Variants in CORO2B observed in about 807,000 individuals in gnomAD.
The protein encoded by CORO2B is coronin 2B, also known as coronin-2B.
Under a neutral mutation model 58.8 loss-of-function variants are expected in CORO2B, and 26 were observed. That is an observed-to-expected ratio of 0.44 (90% CI 0.32 to 0.61). CORO2B has a LOEUF of 0.61. CORO2B is among the 20% of genes least tolerant of loss of function. CORO2B has a pLI of 0.04. For missense variants in CORO2B, 460 were observed against 645.1 expected (o/e 0.71, Z 3.11); for synonymous variants, 242 against 253.8 (o/e 0.95, Z 0.44).
At chr15:68,677,330 C>A (rs1902620767) in intron 2 of CORO2B, among the ~76,000 whole-genome samples, 1 of 152,202 alleles carries the variant, frequency 6.6e-6, no homozygotes, top group South Asian at 2.1e-4. Flanking sequence ...TCAAAGGTCA[C>A]CCCGCACAAA....
chr15:68,567,304 G>C, the CORO2B span, among the ~76,000 whole-genome samples: 1 of 152,268 alleles, frequency 6.6e-6, no homozygotes, highest in South Asian at 2.1e-4. Context: ...AGAGAGTGAA[G>C]TTCAAAGCGG....
intron 2 of CORO2B, among the ~76,000 whole-genome samples, chr15:68,671,202 TACTC>T (rs1902382182): frequency 6.6e-6 from 1 of 152,200 alleles, no homozygotes; most frequent in African/African-American, 2.4e-5. Context: ...ATGGAGCTGA[TACTC>T]ACCACGACAT....
chr15:68,574,474 C>T (rs1899241443), upstream of CORO2B, among the ~76,000 whole-genome samples: 1 of 152,170 alleles, frequency 6.6e-6, no homozygotes, highest in South Asian at 2.1e-4. Context: ...CCAAGCCCTC[C>T]TCACTCTGTA....
intron 1 of CORO2B, among the ~76,000 whole-genome samples, chr15:68,635,728 C>T (rs1364035765): frequency 1.3e-5 from 2 of 152,198 alleles, no homozygotes; most frequent in Non-Finnish European, 2.9e-5. Context: ...TTTCCTGGCT[C>T]TCTGTGCAGA....
chr15:68,647,609 A>C (rs990977385), intron 2 of CORO2B, among the ~76,000 whole-genome samples: 3 of 151,488 alleles, frequency 2.0e-5, no homozygotes, highest in African/African-American at 7.3e-5. Context: ...GAATCGCTTG[A>C]ACCTGGGAGG....
At chr15:68,698,355 C>A (rs1232340697) in intron 3 of CORO2B, among the ~76,000 whole-genome samples, 2 of 152,202 alleles carry the variant, frequency 1.3e-5, no homozygotes, top group Non-Finnish European at 2.9e-5. Context: ...ACTGGCCACC[C>A]AGGTTCCTCC....
In CORO2B at chr15:68,685,889, G is replaced by A. The variant is rs551734280; in HGVS notation, c.217-9251G>A. On this transcript the variant is annotated intron_variant, in intron 2 of 11. Coordinates refer to ENST00000261861, the MANE Select transcript of CORO2B (RefSeq NM_006091.5). ...TAGCCAAGTTTGGCAAGCTCTAGGC[G>A]GAGGAGAGAGACAGGGTGAGAAAAA... Among the ~76,000 whole-genome samples the A allele has an allele frequency of 3.0e-3, 462 of 152,226 alleles. 7 individuals are homozygous for A. Among genetic ancestry groups the A allele is most frequent in the African/African-American group, 0.011 (444 of 41,538 alleles).
the CORO2B span, among the ~76,000 whole-genome samples, chr15:68,537,295 T>C: frequency 1.3e-5 from 2 of 152,012 alleles, no homozygotes; most frequent in Non-Finnish European, 2.9e-5. Flanking sequence ...TGGATTAGAG[T>C]TGGCTGTGAG....
Position 68,579,201 on chromosome 15 carries a change from G to C in CORO2B, c.-62G>C, listed in dbSNP as rs1010919102. 568 of 991,894 alleles carry C rather than the reference G, an allele frequency of 5.7e-4. No homozygotes were observed. Among genetic ancestry groups the C allele is most frequent in the African/African-American group, 3.0e-3 (167 of 56,482 alleles). The allele number at this position is 991,894 out of a possible 1,614,324, so 61.4% of individuals were successfully genotyped here. A position where few individuals can be genotyped will look rare whatever the true frequency, so the allele number is the denominator to read the frequency against. On this transcript the variant is annotated 5_prime_UTR_variant, in exon 1 of 12. Transcript: ENST00000261861. Reference sequence around the variant, plus strand: ...CCGGACCCCCTTCCGCCGCCGCCCCGGGCCGCCGCCGCCGCCCCCGCACGC... The same window carrying C: ...CCGGACCCCCTTCCGCCGCCGCCCCCGGCCGCCGCCGCCGCCCCCGCACGC...
At chr15:68,606,016 G>A (rs543379656) in intron 1 of CORO2B, among the ~76,000 whole-genome samples, 7 of 151,980 alleles carry the variant, frequency 4.6e-5, no homozygotes, top group East Asian at 1.9e-4. Context: ...GAGCCACAGC[G>A]CCCGGCCGGC....
Position 68,727,697 on chromosome 15 carries a change from A to G in CORO2B, c.*1723A>G, listed in dbSNP as rs1446552657. 6.7e-6 allele frequency: 1 copy of G among 148,300 alleles called. No homozygotes were observed. Among genetic ancestry groups the G allele is most frequent in the Non-Finnish European group, 1.5e-5 (1 of 67,184 alleles). 9.2% of individuals were successfully genotyped at this position (148,300 alleles called of 1,614,324 possible). ...GTCAGCACTCATCTCCTCCTCCCAC[A>G]TTTCTGGAGCTTTTTTTTTTCCTTC... is the stretch of plus-strand genomic sequence containing the variant. On this transcript the variant is annotated 3_prime_UTR_variant, in exon 12 of 12. Coordinates refer to ENST00000261861, the MANE Select transcript of CORO2B (RefSeq NM_006091.5).
chr15:68,648,096 G>T (rs1901511641), intron 2 of CORO2B, among the ~76,000 whole-genome samples: 2 of 151,308 alleles, frequency 1.3e-5, no homozygotes, highest in Admixed American at 6.6e-5. Context: ...ACTTTGGGAG[G>T]CCGAGGTGGG....
At position 68,726,553 on chromosome 15, in the gene CORO2B, T is replaced by C. The variant is rs1893306140; in HGVS notation, c.*579T>C. The C allele has an allele frequency of 6.4e-6, 1 of 156,662 alleles. No homozygotes were observed. Among genetic ancestry groups the C allele is most frequent in the African/African-American group, 2.4e-5 (1 of 41,444 alleles). 9.7% of individuals were successfully genotyped at this position (156,662 alleles called of 1,614,324 possible). A position where few individuals can be genotyped will look rare whatever the true frequency, so the allele number is the denominator to read the frequency against. ...TGTCTCTTCCCTTCCCACCCTCTTG[T>C]CTTCAGGGAATTCAGAGGATTGCTC... is the stretch of plus-strand genomic sequence containing the variant. On this transcript the variant is annotated 3_prime_UTR_variant, in exon 12 of 12. Coordinates refer to ENST00000261861, the MANE Select transcript of CORO2B (RefSeq NM_006091.5).
chr15:68,661,252 A>G (rs1902004850), intron 2 of CORO2B, among the ~76,000 whole-genome samples: 1 of 152,168 alleles, frequency 6.6e-6, no homozygotes, highest in Admixed American at 6.5e-5. Context: ...TGCTGGGATT[A>G]TAGGCGTGAG....
At chr15:68,725,774 C>T (rs1893280336) in intron 11 of CORO2B, 69 bp from the exon 12 acceptor site, 2 of 1,590,006 alleles carry the variant, frequency 1.3e-6, no homozygotes, top group Non-Finnish European at 8.5e-7. Context: ...TGGAGACTCA[C>T]CTGGGAAATC....
the CORO2B span, among the ~76,000 whole-genome samples, chr15:68,534,259 C>T: frequency 6.6e-6 from 1 of 152,172 alleles, no homozygotes; most frequent in Non-Finnish European, 1.5e-5. Context: ...GATGTGTACA[C>T]ACACCTGCAC....
At chr15:68,576,176 A>AAC (rs56352602), upstream of CORO2B, among the ~76,000 whole-genome samples, 1 of 130,802 alleles carries the variant, frequency 7.6e-6, no homozygotes, top group East Asian at 2.3e-4. Context: ...AAAAAAAAAA[A>AAC]GAAAGAAAGA....
At chr15:68,562,046 T>G in the CORO2B span, among the ~76,000 whole-genome samples, 1 of 152,114 alleles carries the variant, frequency 6.6e-6, no homozygotes, top group Non-Finnish European at 1.5e-5. Flanking sequence ...TCCTACCCAG[T>G]GGGTACTGGG....
chr15:68,716,572 G>A (rs1893036910), intron 8 of CORO2B, among the ~76,000 whole-genome samples: 2 of 152,228 alleles, frequency 1.3e-5, no homozygotes, highest in South Asian at 4.1e-4. Context: ...AAAAATATTG[G>A]ATGGGAATGA....
Sources: allele counts gnomAD v4.1 joint callset (sites outside exome capture counted in the v4.1 genomes callset), GRCh38; gene constraint gnomAD v4.1.1; transcripts MANE v1.5; gene names NCBI Gene and HGNC (gene_info 2026-07-23, HGNC 2026-07-21).